SLC25A47: variants seen among roughly 807,000 people sequenced by gnomAD.
SLC25A47 encodes the protein solute carrier family 25 member 47, also known as HCC-down-regulated mitochondrial carrier protein.
Under a neutral mutation model 29.8 loss-of-function variants are expected in SLC25A47, and 30 were observed. The observed-to-expected ratio is 1.01, with a 90% CI of 0.75 to 1.36. SLC25A47 has a LOEUF of 1.36. Ranked by LOEUF, SLC25A47 falls within the 40% of genes most tolerant of loss-of-function variation. The pLI is 0.00. For synonymous variants in SLC25A47, 204 were observed against 197.8 expected (o/e 1.03, Z -0.26); for missense variants, 430 against 441.9 (o/e 0.97, Z 0.24).
chr14:100,325,771 C>T lies in SLC25A47; in HGVS notation c.29-17C>T. ...CGGCCCCACTCTCCTCACCGTGGGC[C>T]TCTTCTTTCCTTGCAGGCGTCTGCG... On this transcript the variant is annotated splice_polypyrimidine_tract_variant and intron_variant, in intron 1 of 5. Transcript: ENST00000361529. The T allele has an allele frequency of 6.2e-7, 1 of 1,612,374 alleles. No individual in the cohort carries two copies. The highest frequency in any genetic ancestry group is 8.5e-7 in the Non-Finnish European group (1 of 1,179,170).
intron 1 of SLC25A47, among the ~76,000 whole-genome samples, chr14:100,324,717 G>T (rs1288886838): frequency 6.6e-6 from 1 of 152,236 alleles, no homozygotes; most frequent in Non-Finnish European, 1.5e-5. Context: ...GGGTCATGGG[G>T]TGTCAGCCCT....
At chr14:100,326,542 G>T (rs1031033175) in intron 3 of SLC25A47, among the ~76,000 whole-genome samples, 7 of 152,220 alleles carry the variant, frequency 4.6e-5, no homozygotes, top group Admixed American at 4.6e-4. Flanking sequence ...TGAAGGCAGT[G>T]TTGGGTGGAG....
intron 4 of SLC25A47, among the ~76,000 whole-genome samples, 198 bp from the exon 5 acceptor site, chr14:100,328,528 C>T (rs529884615): frequency 6.6e-5 from 10 of 152,374 alleles, no homozygotes; most frequent in East Asian, 1.9e-4. Context: ...ATGTGGCTGC[C>T]GAGGAAGCAT....
Position 100,328,773 on chromosome 14 carries a change from G to A in SLC25A47, c.375G>A (p.Thr125=), listed in dbSNP as rs200927970. The A allele has an allele frequency of 1.0e-3, 1,665 of 1,613,008 alleles. 25 individuals carry two copies. Among genetic ancestry groups the A allele is most frequent in the Non-Finnish European group, 2.0e-4 (240 of 1,179,946 alleles). ...PTEVAKVRLQ[T]QTQAQKQQRR... is the part of the protein sequence containing the mutation. Reference sequence around the variant, plus strand: ...AGGTGGCCAAAGTCCGCTTGCAGACGCAGACACAGGCGCAGAAGCAGCAGC... The same window carrying A: ...AGGTGGCCAAAGTCCGCTTGCAGACACAGACACAGGCGCAGAAGCAGCAGC... The change falls in exon 5 of 6, where the codon ACG becomes ACA. Residue 125 remains threonine (T), a synonymous_variant. Coordinates refer to ENST00000361529, the MANE Select transcript of SLC25A47 (RefSeq NM_207117.4).
rs1254565975 is a variant in SLC25A47 at position 100,325,646 on chromosome 14, T to C, written c.29-142T>C. 9.4e-6 allele frequency: 7 copies of C among 744,254 alleles called. 1 individual carries two copies. Among genetic ancestry groups the C allele is most frequent in the African/African-American group, 1.8e-5 (1 of 56,666 alleles). The allele number at this position is 744,254 out of a possible 1,614,324, so 46.1% of individuals were successfully genotyped here. A position where few individuals can be genotyped will look rare whatever the true frequency, so the allele number is the denominator to read the frequency against. ...GGGTGCCCTCAGGATTGATGAGACCTGGTGCAGACCAGAAGGGCCAAATGT... is the reference window on the plus strand; with the variant it reads ...GGGTGCCCTCAGGATTGATGAGACCCGGTGCAGACCAGAAGGGCCAAATGT... On this transcript the variant is annotated intron_variant, in intron 1 of 5. Coordinates refer to ENST00000361529, the MANE Select transcript of SLC25A47 (RefSeq NM_207117.4).
intron 1 of SLC25A47, 107 bp from the exon 2 acceptor site, chr14:100,325,681 C>T: frequency 3.3e-6 from 4 of 1,203,686 alleles, no homozygotes; most frequent in Non-Finnish European, 4.7e-6. Flanking sequence ...TGGGTCTGCC[C>T]TTGGGGGAGC....
chr14:100,325,835 C>A lies in SLC25A47; in HGVS notation c.72+4C>A. On this transcript the variant is annotated splice_donor_region_variant and intron_variant, in intron 2 of 5. Transcript: ENST00000361529. The stretch of plus-strand genomic sequence containing the variant: ...CTACCCCCTGGACACGGTGAAGGTG[C>A]GGCAATAGCCAGCCCCCCAACCATC... The A allele has an allele frequency of 1.9e-6, 3 of 1,611,066 alleles. No homozygotes were observed. The highest frequency in any genetic ancestry group is 8.5e-7 in the Non-Finnish European group (1 of 1,178,546).
At chr14:100,325,332 C>T (rs567136004) in intron 1 of SLC25A47, among the ~76,000 whole-genome samples, 69 of 152,360 alleles carry the variant, frequency 4.5e-4, no homozygotes, top group African/African-American at 1.6e-3. Flanking sequence ...CCTCCCCCTC[C>T]TTCCACCCAC....
chr14:100,324,381 T>G (rs1893301435), intron 1 of SLC25A47, among the ~76,000 whole-genome samples: 1 of 152,142 alleles, frequency 6.6e-6, no homozygotes, highest in African/African-American at 2.4e-5. Flanking sequence ...TGCACCACAA[T>G]GTCTGGCTAA....
At chr14:100,327,025 C>G (rs547890109) in intron 3 of SLC25A47, among the ~76,000 whole-genome samples, 163 bp from the exon 4 acceptor site, 1 of 152,206 alleles carries the variant, frequency 6.6e-6, no homozygotes, top group Non-Finnish European at 1.5e-5. Flanking sequence ...TCAGGTCCCC[C>G]CTTGTGACCT....
intron 2 of SLC25A47, 71 bp downstream of exon 2, chr14:100,325,902 G>A: frequency 6.5e-7 from 1 of 1,531,712 alleles, no homozygotes; most frequent in Admixed American, 1.9e-5. Flanking sequence ...GACTTTTCTA[G>A]AATGCTAAAC....
Position 100,329,613 on chromosome 14 carries a change from G to A in SLC25A47, c.895G>A (p.Val299Met). The A allele has an allele frequency of 6.2e-7, 1 of 1,613,372 alleles. No individual in the cohort carries two copies. Residue 299 changes from valine (V) to methionine (M), a missense_variant, in exon 6 of 6, where the codon GTG (valine) becomes ATG (methionine). By Grantham distance (21) the Val-to-Met change is conservative (BLOSUM62 1). Coordinates refer to ENST00000361529, the MANE Select transcript of SLC25A47 (RefSeq NM_207117.4). Reference protein sequence around the residue: ...NMVVFVAYEAVLRLARGLLT With the variant: ...NMVVFVAYEAMLRLARGLLT ...GGTGGTCTTCGTCGCCTATGAGGCA[G>A]TGCTGAGGCTCGCCCGGGGTCTGCT...
rs1368149793 is a variant in SLC25A47, at chr14:100,328,949, C to T, written c.551C>T (p.Ala184Val). 6 of 1,605,022 alleles carry T rather than the reference C, an allele frequency of 3.7e-6. No homozygotes were observed. Among genetic ancestry groups the T allele is most frequent in the Non-Finnish European group, 4.2e-6 (5 of 1,179,894 alleles). Residue 184 changes from alanine to valine, a missense_variant, in exon 5 of 6, where the codon GCC becomes GTC. Coordinates refer to ENST00000361529, the MANE Select transcript of SLC25A47 (RefSeq NM_207117.4). ...GLCGLYKGSS[A>V]LVLRDGHSFA... ...TGCGGCCTCTACAAGGGCAGCTCGG[C>T]CCTGGTCTTACGGGACGGCCACTCC...
At chr14:100,328,639 G>A (rs577527446) in intron 4 of SLC25A47, 87 bp from the exon 5 acceptor site, 443 of 1,408,578 alleles carry the variant, frequency 3.1e-4, no homozygotes, top group Admixed American at 4.0e-4. Flanking sequence ...TGAGGTCACC[G>A]TGAGCAACAT....
chr14:100,327,092 C>A, intron 3 of SLC25A47, 96 bp from the exon 4 acceptor site: 2 of 1,237,342 alleles, frequency 1.6e-6, no homozygotes, highest in Non-Finnish European at 2.2e-6. Context: ...TTCCCGAGGT[C>A]CGACAGCGGA....
Position 100,329,792 on chromosome 14 carries a change from G to A in SLC25A47, c.*147G>A, listed in dbSNP as rs147246973. The A allele has an allele frequency of 2.1e-4, 241 of 1,141,130 alleles. 1 individual carries two copies. In the African/African-American group the frequency reaches 3.2e-3, roughly 15 times the overall value. The allele number at this position is 1,141,130 out of a possible 1,614,324, so 70.7% of individuals were successfully genotyped here. A position where few individuals can be genotyped will look rare whatever the true frequency, so the allele number is the denominator to read the frequency against. On this transcript the variant is annotated 3_prime_UTR_variant, in exon 6 of 6. Transcript: ENST00000361529. ...GAGCCTCCCTGCAGTGTTGTCGGCCGAGGCCTGAGCTCGCCCTGCCCAGCT... is the reference window on the plus strand; with the variant it reads ...GAGCCTCCCTGCAGTGTTGTCGGCCAAGGCCTGAGCTCGCCCTGCCCAGCT...
Position 100,326,204 on chromosome 14 carries a change from C to T in SLC25A47, c.120C>T (p.Val40=). ...EPKYTGIWHC[V]RDTYHRERVW... ...AGTACACAGGCATCTGGCACTGCGT[C>T]CGGGATACGTATCACCGAGAGCGCG... The change falls in exon 3 of 6, where the codon GTC becomes GTT. Residue 40 remains valine (V), a synonymous_variant. Transcript: ENST00000361529. The T allele has an allele frequency of 6.2e-7, 1 of 1,613,820 alleles. No individual in the cohort carries two copies. Among genetic ancestry groups the T allele is most frequent in the Non-Finnish European group, 8.5e-7 (1 of 1,179,944 alleles).
chr14:100,325,368 G>A (rs1416088980), intron 1 of SLC25A47, among the ~76,000 whole-genome samples: 2 of 152,206 alleles, frequency 1.3e-5, no homozygotes, highest in Admixed American at 1.3e-4. Flanking sequence ...TTACCGCCTG[G>A]CTCACAGGCA....
rs112466488 is a variant in SLC25A47 at position 100,329,951 on chromosome 14, T to A, written c.*306T>A. The A allele has an allele frequency of 0.014, 5,950 of 427,296 alleles. 311 individuals carry two copies. The highest frequency in any genetic ancestry group is 0.11 in the African/African-American group (5,469 of 50,258). 26.5% of individuals were successfully genotyped at this position (427,296 alleles called of 1,614,324 possible). A position where few individuals can be genotyped will look rare whatever the true frequency, so the allele number is the denominator to read the frequency against. ...TCGGTTGTTCATCCCAGCCTCCCCA[T>A]GGCCCTCGCCTCCCATGTCTTTGAA... is the stretch of plus-strand genomic sequence containing the variant. On this transcript the variant is annotated 3_prime_UTR_variant, in exon 6 of 6. Coordinates refer to ENST00000361529, the MANE Select transcript of SLC25A47 (RefSeq NM_207117.4).
Sources: allele counts gnomAD v4.1 joint callset (sites outside exome capture counted in the v4.1 genomes callset), GRCh38; gene constraint gnomAD v4.1.1; transcripts MANE v1.5; gene names NCBI Gene and HGNC (gene_info 2026-07-23, HGNC 2026-07-21).